Variants in NCAPD3 observed in about 807,000 individuals in gnomAD.
The protein encoded by NCAPD3 is non-SMC condensin II complex subunit D3.
Under a neutral mutation model 182.9 loss-of-function variants are expected in NCAPD3, and 105 were observed. That is an observed-to-expected ratio of 0.57 (90% CI 0.49 to 0.68). NCAPD3 has a LOEUF of 0.68. Ranked by LOEUF, NCAPD3 falls within the 30% of genes least tolerant of loss-of-function variation. The pLI, the probability that NCAPD3 is intolerant of heterozygous loss-of-function variation, is 0.00. For missense variants in NCAPD3, 1,944 were observed against 1,837.0 expected, an observed-to-expected ratio of 1.06 and a Z score of -1.07; for synonymous variants, 815 against 679.9, an observed-to-expected ratio of 1.20 and a Z score of -3.09.
chr11:134,211,695 G>GA (rs926110890), intron 3 of NCAPD3, among the ~76,000 whole-genome samples: 66 of 145,468 alleles, frequency 4.5e-4, no homozygotes, highest in East Asian at 1.4e-3. Context: ...GGAGAGAAAT[G>GA]AAAAAAAAAA....
chr11:134,209,570 T>A, intron 4 of NCAPD3, 93 bp from the exon 5 acceptor site: 3 of 1,215,900 alleles, frequency 2.5e-6, no homozygotes, highest in Non-Finnish European at 2.3e-6. Context: ...CCAGATAAAC[T>A]CCAGGCAGGA....
At chr11:134,182,005 C>A (rs1273352428) in intron 19 of NCAPD3, among the ~76,000 whole-genome samples, 1 of 152,156 alleles carries the variant, frequency 6.6e-6, no homozygotes, top group Non-Finnish European at 1.5e-5. Flanking sequence ...CTTGCCCTAA[C>A]GTATCTGGAA....
chr11:134,197,042 ACT>A (rs1944646808), intron 13 of NCAPD3, among the ~76,000 whole-genome samples: 1 of 152,054 alleles, frequency 6.6e-6, no homozygotes, highest in African/African-American at 2.4e-5. Context: ...GGACAGCAAT[ACT>A]GAGTGAGTTC....
rs1264793564 is a variant in NCAPD3 at position 134,155,766 on chromosome 11, T to C, written c.4252+1252A>G. Among the ~76,000 whole-genome samples, 4 of 148,304 alleles carry C rather than the reference T, an allele frequency of 2.7e-5. No homozygotes were observed. The East Asian group carries it at 8.2e-4, about 30-fold the overall frequency. ...GGAACATCGAACACACAGCAAGCTC[T>C]AACACACAGAACATCGCACCTGTCC... On this transcript the variant is annotated intron_variant, in intron 32 of 34. Coordinates refer to ENST00000534548, the MANE Select transcript of NCAPD3 (RefSeq NM_015261.3).
chr11:134,172,180 G>A (rs1373882201), intron 24 of NCAPD3, among the ~76,000 whole-genome samples: 1 of 152,152 alleles, frequency 6.6e-6, no homozygotes, highest in Admixed American at 6.5e-5. Flanking sequence ...TCTGCCTCTT[G>A]CGCTCTCTGC....
intron 24 of NCAPD3, among the ~76,000 whole-genome samples, chr11:134,170,945 C>T (rs79435162): frequency 1.3e-5 from 2 of 152,178 alleles, no homozygotes; most frequent in South Asian, 4.1e-4. Context: ...ATGCACAAAT[C>T]CTGCAAGCTT....
chr11:134,155,006 C>A (rs1291094622), intron 32 of NCAPD3, among the ~76,000 whole-genome samples: 1 of 152,294 alleles, frequency 6.6e-6, no homozygotes, highest in Admixed American at 6.5e-5. Context: ...AGCCCATATG[C>A]ACTCCAGGAA....
Position 134,168,021 on chromosome 11 carries a change from T to C in NCAPD3, c.3548A>G (p.Glu1183Gly). The C allele has an allele frequency of 6.2e-7, 1 of 1,614,074 alleles. No individual in the cohort carries two copies. Among genetic ancestry groups the C allele is most frequent in the South Asian group, 1.1e-5 (1 of 91,088 alleles). ...TTGTGAGATGAGCTTCTTCTGAGCT[T>C]CCTGCATGACTACATTTGCCAAGGC... ...DMALANVVMQ[E>G]AQKKLISQVQ... Residue 1183 changes from glutamate (E) to glycine (G), a missense_variant, in exon 27 of 35, where the codon GAA (glutamate) becomes GGA (glycine). Coordinates refer to ENST00000534548, the MANE Select transcript of NCAPD3 (RefSeq NM_015261.3).
At chr11:134,207,914 C>T (rs929797369) in intron 7 of NCAPD3, among the ~76,000 whole-genome samples, 1 of 152,120 alleles carries the variant, frequency 6.6e-6, no homozygotes, top group Non-Finnish European at 1.5e-5. Flanking sequence ...GATAAAGATA[C>T]TAAACTTATA....
chr11:134,185,868 C>G, intron 16 of NCAPD3: 1 of 166,220 alleles, frequency 6.0e-6, no homozygotes, highest in Middle Eastern at 2.8e-3. Flanking sequence ...ACATCCAGAG[C>G]TTACACAGTT....
At chr11:134,165,873 A>T (rs1943770865) in intron 27 of NCAPD3, among the ~76,000 whole-genome samples, 1 of 134,304 alleles carries the variant, frequency 7.4e-6, no homozygotes, top group Non-Finnish European at 1.6e-5. Context: ...CTGCACACTC[A>T]CTAGTGAGAT....
At chr11:134,222,217 C>T (rs766278474) in intron 1 of NCAPD3, among the ~76,000 whole-genome samples, 2 of 152,102 alleles carry the variant, frequency 1.3e-5, no homozygotes, top group African/African-American at 4.8e-5. Context: ...TCTCAGCTGT[C>T]GAATGCAGGT....
intron 3 of NCAPD3, among the ~76,000 whole-genome samples, chr11:134,215,833 G>T (rs1396621986): frequency 6.6e-6 from 1 of 152,114 alleles, no homozygotes. Context: ...AAGGGAGGCA[G>T]AACAACCAAA....
chr11:134,196,791 GAAC>G (rs1360610859), intron 13 of NCAPD3, among the ~76,000 whole-genome samples: 5 of 152,096 alleles, frequency 3.3e-5, no homozygotes, highest in Non-Finnish European at 5.9e-5. Context: ...AAGCAAAAAT[GAAC>G]AACAATCCTT....
chr11:134,176,843 C>A (rs927588478), intron 23 of NCAPD3, among the ~76,000 whole-genome samples: 2 of 152,186 alleles, frequency 1.3e-5, no homozygotes, highest in Non-Finnish European at 2.9e-5. Context: ...AGCGCGAACA[C>A]CATGATCCCC....
chr11:134,197,136 C>T (rs568962876), intron 13 of NCAPD3, among the ~76,000 whole-genome samples: 1 of 152,244 alleles, frequency 6.6e-6, no homozygotes, highest in South Asian at 2.1e-4. Context: ...AACGCCTGTT[C>T]CCTTTTGGCT....
intron 27 of NCAPD3, among the ~76,000 whole-genome samples, chr11:134,163,871 CA>C (rs60340458): frequency 2.8e-3 from 202 of 70,878 alleles, no homozygotes; most frequent in South Asian, 6.6e-3. Flanking sequence ...GATTCTGTCT[CA>C]AAAAAAAAAA....
At chr11:134,190,240 C>A (rs754619271) in intron 16 of NCAPD3, among the ~76,000 whole-genome samples, 6 of 152,200 alleles carry the variant, frequency 3.9e-5, no homozygotes, top group Non-Finnish European at 7.3e-5. Flanking sequence ...CAATCAGCAT[C>A]TCTAATCTCC....
intron 27 of NCAPD3, among the ~76,000 whole-genome samples, chr11:134,165,773 ACACT>A (rs1170776737): frequency 7.2e-6 from 1 of 138,438 alleles, no homozygotes; most frequent in Non-Finnish European, 1.5e-5. Context: ...GGGGAGGTAC[ACACT>A]CGTGAGAGGA....
Sources: allele counts gnomAD v4.1 joint callset (sites outside exome capture counted in the v4.1 genomes callset), GRCh38; gene constraint gnomAD v4.1.1; transcripts MANE v1.5; gene names NCBI Gene and HGNC (gene_info 2026-07-23, HGNC 2026-07-21).